Variants in CCDC141 observed in about 807,000 individuals in gnomAD.
The protein encoded by CCDC141 is coiled-coil domain containing 141.
In CCDC141, 168 loss-of-function variants were observed where a neutral mutation model predicts 181.0. The ratio of observed to expected loss-of-function variants is 0.93; its 90% confidence interval spans 0.82 to 1.05. The LOEUF (loss-of-function observed/expected upper bound fraction) is 1.05. Among genes scored for constraint, CCDC141 ranks in the 50% least tolerant of loss-of-function variants. The pLI is 0.00. For synonymous variants in CCDC141, 666 were observed against 642.3 expected (o/e 1.04, Z -0.56); for missense variants, 1,902 against 1,788.5 (o/e 1.06, Z -1.14).
rs1687916515 is a variant in CCDC141 at position 178,905,383 on chromosome 2, G to T, written c.1211C>A (p.Thr404Lys). ...TTGTCCCTTTTGCAAAGCATCAGTT[G>T]TGCAGTCTTTAATTTTTCTGTGTAA... ...EELHRKIKDC[T>K]TDALQKGQTL... is the part of the protein sequence containing the mutation. Residue 404 changes from threonine to lysine, a missense_variant, in exon 8 of 24, where the codon ACA (threonine) becomes AAA (lysine). Transcript: ENST00000443758. 1 of 1,550,504 alleles carries T rather than the reference G, an allele frequency of 6.4e-7. No homozygotes were observed. The highest frequency in any genetic ancestry group is 1.4e-5 in the African/African-American group (1 of 73,028).
chr2:178,859,492 C>A (rs1685513726), intron 17 of CCDC141, among the ~76,000 whole-genome samples: 1 of 151,914 alleles, frequency 6.6e-6, no homozygotes, highest in African/African-American at 2.4e-5. Context: ...TCAAGTTGAG[C>A]ACATAAGTGG....
intron 2 of CCDC141, among the ~76,000 whole-genome samples, chr2:179,020,981 C>T (rs1046270955): frequency 5.3e-5 from 8 of 152,102 alleles, no homozygotes; most frequent in East Asian, 1.9e-4. Flanking sequence ...TTCTCACATG[C>T]GGGCTGATTA....
chr2:178,885,600 C>T (rs773016513), intron 10 of CCDC141, among the ~76,000 whole-genome samples: 6 of 152,042 alleles, frequency 3.9e-5, no homozygotes, highest in Non-Finnish European at 5.9e-5. Context: ...ACATATCAGG[C>T]CTAAATAACC....
chr2:178,868,631 T>TA, intron 15 of CCDC141, among the ~76,000 whole-genome samples: 1 of 101,874 alleles, frequency 9.8e-6, no homozygotes, highest in Admixed American at 1.1e-4. Context: ...AAAAAAAATC[T>TA]AACTTGGTTT....
chr2:178,819,658 G>C, the CCDC141 span, among the ~76,000 whole-genome samples: 1 of 152,098 alleles, frequency 6.6e-6, no homozygotes, highest in South Asian at 2.1e-4. Context: ...ACATCTGAGG[G>C]TGGAGGTGCT....
intron 19 of CCDC141, 78 bp from the exon 20 acceptor site, chr2:178,853,702 C>A: frequency 8.0e-7 from 1 of 1,245,744 alleles, no homozygotes. Flanking sequence ...AGTGAAGTAT[C>A]AAATTTTAAT....
At chr2:179,033,991 T>A (rs939213809) in intron 2 of CCDC141, among the ~76,000 whole-genome samples, 1 of 152,184 alleles carries the variant, frequency 6.6e-6, no homozygotes, top group African/African-American at 2.4e-5. Context: ...ACTTTATTTC[T>A]CCTGTTATTA....
At chr2:179,046,148 A>G (rs2043491042) in intron 2 of CCDC141, among the ~76,000 whole-genome samples, 1 of 152,234 alleles carries the variant, frequency 6.6e-6, no homozygotes, top group Non-Finnish European at 1.5e-5. Flanking sequence ...AGAGCATCCT[A>G]GTCTTTGCAG....
downstream of CCDC141, chr2:178,829,676 A>G (rs551364484): frequency 7.2e-5 from 11 of 152,354 alleles, no homozygotes; most frequent in South Asian, 1.4e-3. Flanking sequence ...TAGCTTTCCA[A>G]TGCAACTCAA....
chr2:178,841,026 T>C (rs541417183), intron 22 of CCDC141, among the ~76,000 whole-genome samples: 2 of 152,362 alleles, frequency 1.3e-5, no homozygotes, highest in East Asian at 3.9e-4. Context: ...TTATATGATA[T>C]GTTTTTATTA....
At chr2:178,838,393 A>AC (rs1448379913) in intron 22 of CCDC141, among the ~76,000 whole-genome samples, 1 of 151,676 alleles carries the variant, frequency 6.6e-6, no homozygotes, top group East Asian at 1.9e-4. Flanking sequence ...CTAAACACTA[A>AC]CCCCCTAATC....
downstream of CCDC141, among the ~76,000 whole-genome samples, chr2:178,828,253 C>G (rs1684154019): frequency 6.6e-6 from 1 of 152,182 alleles, no homozygotes; most frequent in Admixed American, 6.5e-5. Context: ...GAAATTCACA[C>G]AGACAGAGAA....
At chr2:179,015,076 A>AT (rs2042394268) in intron 2 of CCDC141, among the ~76,000 whole-genome samples, 2 of 31,218 alleles carry the variant, frequency 6.4e-5, no homozygotes, top group African/African-American at 1.1e-4. Context: ...AGATATATAT[A>AT]TATATATATA....
chr2:178,886,299 C>G lies in CCDC141; in HGVS notation c.1527+453G>C, dbSNP rs745787037. Among the ~76,000 whole-genome samples, 4 of 152,038 alleles carry G rather than the reference C, an allele frequency of 2.6e-5. No individual in the cohort carries two copies. The South Asian group carries it at 8.3e-4, about 32-fold the overall frequency. ...AAGGTGCTGTGGTGGGGGTGGGGCA[C>G]TTTCTGTCTCTGAATGTTAGGTAAG... On this transcript the variant is annotated intron_variant, in intron 10 of 23. Transcript: ENST00000443758.
intron 5 of CCDC141, among the ~76,000 whole-genome samples, chr2:178,952,074 A>T (rs1377638367): frequency 6.6e-6 from 1 of 152,244 alleles, no homozygotes; most frequent in Non-Finnish European, 1.5e-5. Flanking sequence ...AGGAGGGGAA[A>T]ATTGGTTTTT....
chr2:178,843,616 C>T (rs371182963), intron 22 of CCDC141, among the ~76,000 whole-genome samples: 3 of 152,298 alleles, frequency 2.0e-5, no homozygotes, highest in African/African-American at 7.2e-5. Flanking sequence ...AAAATCCCTG[C>T]ATTGAATATA....
chr2:178,953,110 T>C (rs887008768), intron 5 of CCDC141, among the ~76,000 whole-genome samples: 2 of 152,074 alleles, frequency 1.3e-5, no homozygotes, highest in African/African-American at 2.4e-5. Flanking sequence ...TTTGTGGGGG[T>C]AATTTGACAA....
At chr2:178,990,374 C>T (rs1691990609) in intron 2 of CCDC141, among the ~76,000 whole-genome samples, 1 of 151,876 alleles carries the variant, frequency 6.6e-6, no homozygotes, top group East Asian at 1.9e-4. Context: ...CACACAAAAG[C>T]AAGCACACGC....
intron 21 of CCDC141, among the ~76,000 whole-genome samples, chr2:178,849,797 G>GA (rs1212845777): frequency 6.6e-6 from 1 of 152,138 alleles, no homozygotes; most frequent in Non-Finnish European, 1.5e-5. Context: ...TATGATCCAT[G>GA]AAAATGTAAA....
Sources: gnomAD v4.1 joint callset for allele counts (sites outside exome capture counted in the v4.1 genomes callset) on GRCh38, gnomAD v4.1.1 for gene constraint, MANE v1.5 for transcripts, NCBI Gene and HGNC (gene_info 2026-07-23, HGNC 2026-07-21) for gene names.